Variants in PPARD observed in about 807,000 individuals in gnomAD.
PPARD encodes peroxisome proliferator activated receptor delta, also known as peroxisome proliferator-activated receptor delta.
PPARD carries 6 observed loss-of-function variants against 39.5 expected under a neutral mutation model. That is an observed-to-expected ratio of 0.15 (90% confidence interval 0.08 to 0.30). The LOEUF is 0.30. Ranked by LOEUF, PPARD falls within the 10% of genes least tolerant of loss-of-function variation. The pLI is 1.00. For synonymous variants in PPARD, 210 were observed against 231.3 expected (o/e 0.91, Z 0.83); for missense variants, 397 against 596.8 (o/e 0.67, Z 3.49).
At chr6:35,399,125 G>A (rs9380507) in intron 2 of PPARD, among the ~76,000 whole-genome samples, 4,615 of 149,304 alleles carry the variant, frequency 0.031, 256 homozygotes, top group East Asian at 0.26. Flanking sequence ...AAAAAAGGCC[G>A]GGCGTAGTGG....
chr6:35,425,414 C>T lies in PPARD; in HGVS notation c.1079-418C>T. ...TATGCTAACTAACAGTGGTCTAGAG[C>T]TTACTTCATGCCAGGCACTGTTCTT... On this transcript the variant is annotated intron_variant, in intron 7 of 7. Transcript: ENST00000360694. This position sits in a 1 kb window ranked among gnomAD's most constrained non-coding sequence, Gnocchi z 4.5. The T allele has an allele frequency of 9.4e-7, 1 of 1,068,724 alleles. No homozygotes were observed. The highest frequency in any genetic ancestry group is 1.1e-6 in the Non-Finnish European group (1 of 881,216). 66.2% of individuals were successfully genotyped at this position (1,068,724 alleles called of 1,614,324 possible).
At position 35,346,030 on chromosome 6, in the gene PPARD, C is replaced by T. The variant is rs9658066; in HGVS notation, c.-185-1037C>T. 4.4e-3 allele frequency among the ~76,000 whole-genome samples: 671 copies of T among 152,238 alleles called. 5 individuals are homozygous for T. Among genetic ancestry groups the T allele is most frequent in the Middle Eastern group, 0.027 (8 of 294 alleles). On this transcript the variant is annotated intron_variant, in intron 1 of 7. Transcript: ENST00000360694. The stretch of plus-strand genomic sequence containing the variant: ...TAGCTGGGACTACAGGCGCCCGCCA[C>T]CACGCCTGGCTCATTTTTTTTTGTA...
At chr6:35,380,759 G>T (rs1424466562) in intron 2 of PPARD, among the ~76,000 whole-genome samples, 1 of 152,068 alleles carries the variant, frequency 6.6e-6, no homozygotes, top group Non-Finnish European at 1.5e-5. Context: ...CTCCCAAAGT[G>T]CTGGGATTAC....
chr6:35,383,205 CCCA>C (rs1324353087), intron 2 of PPARD, among the ~76,000 whole-genome samples: 1 of 152,098 alleles, frequency 6.6e-6, no homozygotes, highest in African/African-American at 2.4e-5. Flanking sequence ...AGCCTGTGTG[CCCA>C]AGGGATGGTG....
intron 3 of PPARD, among the ~76,000 whole-genome samples, chr6:35,418,868 C>G (rs764856405): frequency 5.9e-5 from 9 of 152,196 alleles, no homozygotes; most frequent in African/African-American, 9.6e-5. Flanking sequence ...TGTGCTCCCC[C>G]TCCTGTGGTC....
At chr6:35,400,980 C>T (rs1764663613) in intron 2 of PPARD, among the ~76,000 whole-genome samples, 1 of 152,046 alleles carries the variant, frequency 6.6e-6, no homozygotes, top group Non-Finnish European at 1.5e-5. Context: ...ATCGATTGGC[C>T]TCATGCCAAG....
intron 2 of PPARD, among the ~76,000 whole-genome samples, chr6:35,407,961 A>G (rs1284514715): frequency 6.6e-6 from 1 of 152,198 alleles, no homozygotes; most frequent in Non-Finnish European, 1.5e-5. Flanking sequence ...GATTGCGTTC[A>G]GTTGCATGCA....
In PPARD at chr6:35,426,163, C is replaced by G. The variant is rs1766562256; in HGVS notation, c.*84C>G. ...CACATGACTTTTCCATTGACCAGCC[C>G]TTGAGCACCCGGCCTGGAGCAGCAG... On this transcript the variant is annotated 3_prime_UTR_variant, in exon 8 of 8. Coordinates refer to ENST00000360694, the MANE Select transcript of PPARD (RefSeq NM_006238.5). 1 of 1,529,530 alleles carries G rather than the reference C, an allele frequency of 6.5e-7. No individual in the cohort carries two copies. Among genetic ancestry groups the G allele is most frequent in the Non-Finnish European group, 8.8e-7 (1 of 1,140,550 alleles). The allele number at this position is 1,529,530 out of a possible 1,614,324, so 94.7% of individuals were successfully genotyped here. A position where few individuals can be genotyped will look rare whatever the true frequency, so the allele number is the denominator to read the frequency against.
intron 2 of PPARD, among the ~76,000 whole-genome samples, chr6:35,374,841 A>G (rs1762714917): frequency 6.6e-6 from 1 of 151,916 alleles, no homozygotes; most frequent in Non-Finnish European, 1.5e-5. Flanking sequence ...CCCCACCTTA[A>G]TGGAATCATC....
chr6:35,408,025 C>T (rs562626589), intron 2 of PPARD, among the ~76,000 whole-genome samples: 1 of 152,310 alleles, frequency 6.6e-6, no homozygotes, highest in Non-Finnish European at 1.5e-5. Context: ...TTTCACCTAA[C>T]AAGCAGTCTG....
intron 2 of PPARD, among the ~76,000 whole-genome samples, chr6:35,351,699 A>AC (rs1761261470): frequency 6.6e-6 from 1 of 151,942 alleles, no homozygotes; most frequent in South Asian, 2.1e-4. Flanking sequence ...GACTACAGGT[A>AC]TGTGCTACCA....
intron 2 of PPARD, among the ~76,000 whole-genome samples, chr6:35,392,199 C>T (rs1462622013): frequency 6.6e-6 from 1 of 151,430 alleles, no homozygotes; most frequent in Non-Finnish European, 1.5e-5. Flanking sequence ...AAGGCTGGAA[C>T]CGCACCAGCA....
intron 2 of PPARD, among the ~76,000 whole-genome samples, chr6:35,407,568 C>T (rs1050081692): frequency 2.0e-5 from 3 of 151,764 alleles, no homozygotes; most frequent in Non-Finnish European, 2.9e-5. Context: ...TGCTAAATGA[C>T]GAGTTAATGG....
At position 35,427,405 on chromosome 6, in the gene PPARD, C is replaced by T. The variant is rs199715075; in HGVS notation, c.*1326C>T. The T allele has an allele frequency of 1.3e-5, 2 of 152,498 alleles. No individual in the cohort carries two copies. Among genetic ancestry groups the T allele is most frequent in the African/African-American group, 4.8e-5 (2 of 41,466 alleles). The allele number at this position is 152,498 out of a possible 1,614,324, so 9.4% of individuals were successfully genotyped here. A position where few individuals can be genotyped will look rare whatever the true frequency, so the allele number is the denominator to read the frequency against. ...TCCTGCAGGTCCTGGTGGGTCAGCCCAGCACCTGCTCCCAGTGGGAGCTTC... is the reference window on the plus strand; with the variant it reads ...TCCTGCAGGTCCTGGTGGGTCAGCCTAGCACCTGCTCCCAGTGGGAGCTTC... On this transcript the variant is annotated 3_prime_UTR_variant, in exon 8 of 8. Coordinates refer to ENST00000360694, the MANE Select transcript of PPARD (RefSeq NM_006238.5).
At chr6:35,356,085 G>T (rs1761598309) in intron 2 of PPARD, among the ~76,000 whole-genome samples, 1 of 152,092 alleles carries the variant, frequency 6.6e-6, no homozygotes, top group African/African-American at 2.4e-5. Context: ...ACTCAGCTTG[G>T]AAAGAGTTCT....
At chr6:35,400,346 G>A (rs1764625251) in intron 2 of PPARD, among the ~76,000 whole-genome samples, 1 of 152,170 alleles carries the variant, frequency 6.6e-6, no homozygotes, top group African/African-American at 2.4e-5. Flanking sequence ...AGTAGGGGGT[G>A]TAGTGATAAA....
intron 2 of PPARD, among the ~76,000 whole-genome samples, chr6:35,409,096 A>G (rs1765257770): frequency 1.3e-5 from 2 of 152,148 alleles, no homozygotes; most frequent in African/African-American, 4.8e-5. Flanking sequence ...GAAATCATAC[A>G]TCGGCATCTT....
rs956969262 is a variant in PPARD, at chr6:35,348,597, C to T, written c.-102+1447C>T. 5.1e-6 allele frequency: 5 copies of T among 985,294 alleles called. No individual in the cohort carries two copies. In the East Asian group the frequency reaches 5.7e-4, roughly 112 times the overall value. The allele number at this position is 985,294 out of a possible 1,614,324, so 61.0% of individuals were successfully genotyped here. ...CTCTGAAGTTCAGTGGTTCCAGTAG[C>T]TGTTTGTGGGCTTCACTTCCCCTTC... is the stretch of plus-strand genomic sequence containing the variant. On this transcript the variant is annotated intron_variant, in intron 2 of 7. Transcript: ENST00000360694.
chr6:35,401,573 G>A lies in PPARD; in HGVS notation c.-101-9414G>A, dbSNP rs1003758057. Reference sequence around the variant, plus strand: ...TTCTCTCTACCCACAGACAGCCCAGGTCCTCATTCCTTGGGCCTTTTCACA... The same window carrying A: ...TTCTCTCTACCCACAGACAGCCCAGATCCTCATTCCTTGGGCCTTTTCACA... On this transcript the variant is annotated intron_variant, in intron 2 of 7. Coordinates refer to ENST00000360694, the MANE Select transcript of PPARD (RefSeq NM_006238.5). The surrounding 1 kb of genome is among the most constrained non-coding windows in gnomAD (Gnocchi z 4.1). 7.3e-6 allele frequency among the ~76,000 whole-genome samples: 1 copy of A among 136,662 alleles called. No homozygotes were observed. The highest frequency in any genetic ancestry group is 1.6e-5 in the Non-Finnish European group (1 of 63,882). The allele number at this position is 136,662 out of a possible 152,430, so 89.7% of individuals were successfully genotyped here. A position where few individuals can be genotyped will look rare whatever the true frequency, so the allele number is the denominator to read the frequency against.
Sources: allele counts gnomAD v4.1 joint callset (sites outside exome capture counted in the v4.1 genomes callset), GRCh38; gene constraint gnomAD v4.1.1; non-coding constraint Gnocchi (gnomAD v3.1); transcripts MANE v1.5; gene names NCBI Gene and HGNC (gene_info 2026-07-23, HGNC 2026-07-21).